The following CD72 variants were observed in gnomAD, a reference collection of about 807,000 sequenced individuals.
CD72 encodes B-cell differentiation antigen CD72.
In CD72, 28 loss-of-function variants were observed where a neutral mutation model predicts 50.7. The observed-to-expected ratio is 0.55, with a 90% CI of 0.41 to 0.76. The LOEUF (loss-of-function observed/expected upper bound fraction) is 0.76. Ranked by LOEUF, CD72 falls within the 30% of genes least tolerant of loss-of-function variation. The probability of loss-of-function intolerance (pLI) is 0.00; values close to 1 mark genes in which losing one functional copy is unlikely to be tolerated. For synonymous variants in CD72, 176 were observed against 171.2 expected (o/e 1.03, Z -0.22); for missense variants, 403 against 420.6 (o/e 0.96, Z 0.37).
At chr9:35,644,472 T>C (rs2088559598) in intron 1 of CD72, among the ~76,000 whole-genome samples, 1 of 151,844 alleles carries the variant, frequency 6.6e-6, no homozygotes, top group African/African-American at 2.4e-5. Context: ...GAAGCCAACT[T>C]TGGTTCCAAA....
intron 1 of CD72, among the ~76,000 whole-genome samples, chr9:35,626,937 C>T (rs1308897350): frequency 2.0e-5 from 3 of 151,590 alleles, no homozygotes; most frequent in Admixed American, 1.3e-4. Flanking sequence ...CTGCAAGCTC[C>T]GCCTCCTGGG....
chr9:35,618,677 C>A, upstream of CD72: 1 of 855,578 alleles, frequency 1.2e-6, no homozygotes, highest in South Asian at 1.5e-5. Flanking sequence ...CCCTGATCTG[C>A]CCCACCCTCC....
At chr9:35,623,662 A>G (rs1352673969), upstream of CD72, among the ~76,000 whole-genome samples, 1 of 152,152 alleles carries the variant, frequency 6.6e-6, no homozygotes, top group Admixed American at 6.5e-5. Flanking sequence ...CACACCTATA[A>G]TCCCAGCTCT....
At chr9:35,637,299 C>T (rs1823299670) in intron 1 of CD72, among the ~76,000 whole-genome samples, 1 of 152,238 alleles carries the variant, frequency 6.6e-6, no homozygotes, top group South Asian at 2.1e-4. Context: ...TTATTGCTCA[C>T]ACAAAGCCTG....
upstream of CD72, among the ~76,000 whole-genome samples, chr9:35,623,599 C>G (rs191269806): frequency 6.6e-5 from 10 of 152,270 alleles, no homozygotes; most frequent in East Asian, 1.5e-3. Context: ...TGACCTCCAA[C>G]CCCTTTGACC....
intron 3 of CD72, 196 bp downstream of exon 3, chr9:35,616,980 C>T (rs1223856773): frequency 6.9e-7 from 1 of 1,442,456 alleles, no homozygotes; most frequent in Non-Finnish European, 9.1e-7. Context: ...GAATTGGGAC[C>T]ATCCGCAGGG....
Position 35,611,911 on chromosome 9 carries a change from G to A in CD72, c.843C>T (p.Tyr281=), listed in dbSNP as rs755112189. ...TTGGCAACAGTGAATTTAAGAAGTA[G>A]TAAGAGTGCTGAGGGGAGATTCAGA... ...FSEIYPQSHS[Y]YFLNSLLPNG... The change falls in exon 7 of 9, where the codon TAC becomes TAT. Residue 281 remains tyrosine (Y), a synonymous_variant. Transcript: ENST00000259633. The A allele has an allele frequency of 5.2e-6, 8 of 1,551,428 alleles. No homozygotes were observed. In the East Asian group the frequency reaches 9.0e-5, roughly 17 times the overall value.
chr9:35,621,019 T>A (rs1350152996), upstream of CD72, among the ~76,000 whole-genome samples: 2 of 152,092 alleles, frequency 1.3e-5, no homozygotes, highest in Non-Finnish European at 2.9e-5. Context: ...GGTAAGAGAG[T>A]AGGATCCTTC....
intron 1 of CD72, among the ~76,000 whole-genome samples, chr9:35,630,617 T>C (rs764738774): frequency 5.9e-5 from 9 of 152,330 alleles, no homozygotes; most frequent in East Asian, 1.9e-4. Flanking sequence ...TATGAGTAAA[T>C]GTATGTACCA....
intron 1 of CD72, among the ~76,000 whole-genome samples, chr9:35,631,026 A>AT (rs1029137406): frequency 1.3e-4 from 19 of 151,654 alleles, no homozygotes; most frequent in Non-Finnish European, 2.5e-4. Flanking sequence ...TATCCTAAGA[A>AT]TTTTTTTTTC....
intron 5 of CD72, among the ~76,000 whole-genome samples, chr9:35,615,139 G>T (rs1823046092): frequency 6.6e-6 from 1 of 152,160 alleles, no homozygotes; most frequent in Non-Finnish European, 1.5e-5. Flanking sequence ...GCTAAGAGCA[G>T]CCCTGGCATG....
At chr9:35,641,843 G>C (rs894572309) in intron 1 of CD72, among the ~76,000 whole-genome samples, 11 of 152,236 alleles carry the variant, frequency 7.2e-5, no homozygotes, top group Admixed American at 5.9e-4. Flanking sequence ...ACAGCCAATA[G>C]TAATCTCCTA....
chr9:35,616,943 G>A, intron 3 of CD72: 1 of 1,404,810 alleles, frequency 7.1e-7, no homozygotes, highest in Non-Finnish European at 9.4e-7. Flanking sequence ...ATATCAGACG[G>A]AGAGAGGGGA....
intron 1 of CD72, among the ~76,000 whole-genome samples, chr9:35,633,740 T>A (rs1823267014): frequency 6.6e-6 from 1 of 152,190 alleles, no homozygotes. Context: ...TCAGTACAGA[T>A]GTTCCTTGAC....
At chr9:35,621,019 T>TAGG, upstream of CD72, among the ~76,000 whole-genome samples, 1 of 152,092 alleles carries the variant, frequency 6.6e-6, no homozygotes, top group Admixed American at 6.6e-5. Context: ...GGTAAGAGAG[T>TAGG]AGGATCCTTC....
chr9:35,618,577 G>T, upstream of CD72: 1 of 708,742 alleles, frequency 1.4e-6, no homozygotes, highest in Non-Finnish European at 2.3e-6. Flanking sequence ...GGATGGGCCT[G>T]TCCCCATGTC....
At chr9:35,616,563 T>A (rs573278453) in intron 4 of CD72, 37 bp downstream of exon 4, 70 of 1,522,062 alleles carry the variant, frequency 4.6e-5, no homozygotes, top group South Asian at 1.1e-4. Flanking sequence ...ACGAAAGTCG[T>A]TCGGTGTAAG....
At chr9:35,623,464 C>CT (rs917556995), upstream of CD72, among the ~76,000 whole-genome samples, 16 of 151,488 alleles carry the variant, frequency 1.1e-4, no homozygotes, top group African/African-American at 2.4e-4. Context: ...ACCTATAGCC[C>CT]TTTTTTTTTG....
rs558415216 is a variant in CD72, at chr9:35,610,515, G to A, written c.*22+87C>T. 60 of 887,944 alleles carry A rather than the reference G, an allele frequency of 6.8e-5. No homozygotes were observed. In the South Asian group the frequency reaches 1.0e-3, roughly 15 times the overall value. The allele number at this position is 887,944 out of a possible 1,614,324, so 55.0% of individuals were successfully genotyped here. A position where few individuals can be genotyped will look rare whatever the true frequency, so the allele number is the denominator to read the frequency against. On this transcript the variant is annotated intron_variant, in intron 8 of 8. Transcript: ENST00000259633. The stretch of plus-strand genomic sequence containing the variant: ...TCATCCCAGGTACAAGTTTTCTCTC[G>A]GGCCCCTGGGCCCCTGCTCTGAGTC...
Sources: gnomAD v4.1 joint callset for allele counts (sites outside exome capture counted in the v4.1 genomes callset) on GRCh38, gnomAD v4.1.1 for gene constraint, MANE v1.5 for transcripts, NCBI Gene and HGNC (gene_info 2026-07-23, HGNC 2026-07-21) for gene names.